RNF10: variants seen among roughly 807,000 people sequenced by gnomAD.
RNF10 encodes the protein E3 ubiquitin-protein ligase RNF10.
A neutral mutation model predicts 91.4 loss-of-function variants in RNF10; 38 were observed. The observed-to-expected ratio is 0.42, with a 90% CI of 0.32 to 0.54. RNF10 has a LOEUF of 0.54. RNF10 is among the 20% of genes least tolerant of loss of function. The probability of loss-of-function intolerance (pLI) is 0.16; values close to 1 mark genes in which losing one functional copy is unlikely to be tolerated. For missense variants in RNF10, 945 were observed against 1,012.0 expected (o/e 0.93, Z 0.90); for synonymous variants, 364 against 366.3 (o/e 0.99, Z 0.07).
intron 2 of RNF10, among the ~76,000 whole-genome samples, chr12:120,549,229 A>G (rs114823195): frequency 0.01 from 1,584 of 152,168 alleles, 28 homozygotes; most frequent in African/African-American, 0.037. Flanking sequence ...TTCTCAGTGG[A>G]ATATCTAAGG....
intron 2 of RNF10, among the ~76,000 whole-genome samples, chr12:120,547,231 A>C (rs1185565498): frequency 1.3e-5 from 2 of 152,132 alleles, no homozygotes; most frequent in Non-Finnish European, 2.9e-5. Flanking sequence ...TGCTTTAAAG[A>C]CACCTTCTCT....
intron 12 of RNF10, among the ~76,000 whole-genome samples, chr12:120,566,094 A>G (rs1457315041): frequency 6.6e-6 from 1 of 152,218 alleles, no homozygotes; most frequent in African/African-American, 2.4e-5. Context: ...TGGCCCAGAA[A>G]AGGACTTCGG....
chr12:120,548,233 T>C (rs1872582200), intron 2 of RNF10, among the ~76,000 whole-genome samples: 1 of 152,166 alleles, frequency 6.6e-6, no homozygotes, highest in Non-Finnish European at 1.5e-5. Flanking sequence ...GGTAGTTAAC[T>C]GTGAATCAGC....
chr12:120,550,063 A>T (rs181882299), intron 2 of RNF10, among the ~76,000 whole-genome samples: 1 of 152,214 alleles, frequency 6.6e-6, no homozygotes, highest in South Asian at 2.1e-4. Context: ...GTGTAATCAT[A>T]CATTTTCTAG....
intron 6 of RNF10, among the ~76,000 whole-genome samples, chr12:120,558,018 A>C (rs1874288396): frequency 6.6e-6 from 1 of 152,186 alleles, no homozygotes. Flanking sequence ...AGACTGGTAG[A>C]CTGGCCATTA....
intron 2 of RNF10, among the ~76,000 whole-genome samples, chr12:120,547,244 G>A (rs1206585524): frequency 6.6e-6 from 1 of 152,140 alleles, no homozygotes; most frequent in Non-Finnish European, 1.5e-5. Context: ...CCTTCTCTGA[G>A]GAGGTGGATT....
chr12:120,563,057 T>G lies in RNF10; in HGVS notation c.1241T>G (p.Phe414Cys). The change falls in exon 8 of 17, where the codon TTT becomes TGT. Residue 414 changes from phenylalanine (F) to cysteine (C), a missense_variant. Coordinates refer to ENST00000325954, the MANE Select transcript of RNF10 (RefSeq NM_014868.5). ...LMAPLAKESVFQPRKGVLEYL... is the reference protein window; with the variant it reads ...LMAPLAKESVCQPRKGVLEYL... Reference sequence around the variant, plus strand: ...GCTCCCTTGGCGAAGGAGTCTGTTTTTCAACCCAGGAAGGTTAGTGTGTTC... The same window carrying G: ...GCTCCCTTGGCGAAGGAGTCTGTTTGTCAACCCAGGAAGGTTAGTGTGTTC... 1 of 1,614,128 alleles carries G rather than the reference T, an allele frequency of 6.2e-7. No individual in the cohort carries two copies. Among genetic ancestry groups the G allele is most frequent in the Non-Finnish European group, 8.5e-7 (1 of 1,180,008 alleles).
At chr12:120,551,375 A>G (rs183571874) in intron 2 of RNF10, among the ~76,000 whole-genome samples, 13 of 135,444 alleles carry the variant, frequency 9.6e-5, no homozygotes, top group Middle Eastern at 4.3e-3. Context: ...GCTCACTGCA[A>G]CCTCTGCCTC....
chr12:120,538,021 C>T (rs951170740), intron 1 of RNF10, among the ~76,000 whole-genome samples: 1 of 152,136 alleles, frequency 6.6e-6, no homozygotes, highest in African/African-American at 2.4e-5. Flanking sequence ...GTTGCTCTAA[C>T]AAAAGGGTAC....
At position 120,534,971 on chromosome 12, in the gene RNF10, A is replaced by G. The variant is rs763798530; in HGVS notation, c.157+3A>G. ...CGGCGAGTCTAAACCCAAGAGCGGTAAGGACGGGCCTGCGGCAGTGGGCGG... is the reference window on the plus strand; with the variant it reads ...CGGCGAGTCTAAACCCAAGAGCGGTGAGGACGGGCCTGCGGCAGTGGGCGG... On this transcript the variant is annotated splice_donor_region_variant and intron_variant, in intron 1 of 16. Coordinates refer to ENST00000325954, the MANE Select transcript of RNF10 (RefSeq NM_014868.5). The G allele has an allele frequency of 2.9e-5, 46 of 1,594,220 alleles. No homozygotes were observed. The highest frequency in any genetic ancestry group is 1.1e-4 in the South Asian group (10 of 90,104).
chr12:120,557,204 G>A (rs1052461871), intron 4 of RNF10, 78 bp from the exon 5 acceptor site: 1 of 1,261,784 alleles, frequency 7.9e-7, no homozygotes, highest in African/African-American at 1.5e-5. Flanking sequence ...GCGGATGAGA[G>A]AGTAGAGAGG....
chr12:120,553,244 C>T (rs185448206), intron 3 of RNF10, among the ~76,000 whole-genome samples: 4,797 of 137,278 alleles, frequency 0.035, 120 homozygotes, highest in Non-Finnish European at 0.053. Flanking sequence ...CCACCACCCC[C>T]GTCTAATTTT....
At chr12:120,564,063 C>G in intron 10 of RNF10, 120 bp downstream of exon 10, 1 of 1,131,378 alleles carries the variant, frequency 8.8e-7, no homozygotes, top group South Asian at 1.5e-5. Context: ...TATTTTTAGT[C>G]TTTCTGTCAG....
chr12:120,574,331 T>G (rs1406393612), intron 14 of RNF10: 1 of 399,632 alleles, frequency 2.5e-6, no homozygotes, highest in African/African-American at 2.1e-5. Context: ...AGGAATAAAA[T>G]GTTCTCTGCC....
rs774295571 is a variant in RNF10 at position 120,567,905 on chromosome 12, G to A, written c.2041+925G>A. ...TGTATGTATATATATATATGTAAATGTATAGAAAAACTTCTGTTAGAAGGC... is the reference window on the plus strand; with the variant it reads ...TGTATGTATATATATATATGTAAATATATAGAAAAACTTCTGTTAGAAGGC... On this transcript the variant is annotated intron_variant, in intron 13 of 16. Coordinates refer to ENST00000325954, the MANE Select transcript of RNF10 (RefSeq NM_014868.5). 7.8e-4 allele frequency among the ~76,000 whole-genome samples: 119 copies of A among 151,814 alleles called. No individual in the cohort carries two copies. In the Middle Eastern group the frequency reaches 0.017, roughly 22 times the overall value.
chr12:120,546,576 C>A lies in RNF10; in HGVS notation c.329C>A (p.Ser110Tyr), dbSNP rs781463397. 5 of 1,613,214 alleles carry A rather than the reference C, an allele frequency of 3.1e-6. No homozygotes were observed. The African/African-American group carries it at 5.3e-5, about 17-fold the overall frequency. The change falls in exon 2 of 17, where the codon TCT becomes TAT. Residue 110 changes from serine to tyrosine, a missense_variant. Ser to Tyr is a moderately radical substitution (Grantham distance 144). Coordinates refer to ENST00000325954, the MANE Select transcript of RNF10 (RefSeq NM_014868.5). ...GGCAGCAGCAAACTCTTTAGCTCTTCTTTTAATGGTGGAAGACGAGATGAG... is the reference window on the plus strand; with the variant it reads ...GGCAGCAGCAAACTCTTTAGCTCTTATTTTAATGGTGGAAGACGAGATGAG... ...GGGSSKLFSSSFNGGRRDEVA... is the reference protein window; with the variant it reads ...GGGSSKLFSSYFNGGRRDEVA...
chr12:120,554,119 A>G (rs548101834), intron 3 of RNF10: 176 of 152,136 alleles, frequency 1.2e-3, no homozygotes, highest in Non-Finnish European at 2.1e-3. Context: ...GTTAGCCAGG[A>G]TGGTCTTGAT....
intron 1 of RNF10, 146 bp from the exon 2 acceptor site, chr12:120,546,259 A>C (rs1353299838): frequency 1.5e-6 from 1 of 655,786 alleles, no homozygotes; most frequent in Non-Finnish European, 2.6e-6. Flanking sequence ...GTCTTGCTCA[A>C]AGCACTCATG....
At chr12:120,556,171 A>G (rs891071010) in intron 4 of RNF10, among the ~76,000 whole-genome samples, 11 of 152,104 alleles carry the variant, frequency 7.2e-5, no homozygotes, top group African/African-American at 2.7e-4. Context: ...CTAGTAGGGT[A>G]TCTGTTGAAG....
Sources: gnomAD v4.1 joint callset for allele counts (sites outside exome capture counted in the v4.1 genomes callset) on GRCh38, gnomAD v4.1.1 for gene constraint, MANE v1.5 for transcripts, NCBI Gene and HGNC (gene_info 2026-07-23, HGNC 2026-07-21) for gene names.